SETDB2: variants seen among roughly 807,000 people sequenced by gnomAD.
SETDB2 encodes SET domain bifurcated histone lysine methyltransferase 2.
SETDB2 carries 56 observed loss-of-function variants against 82.5 expected under a neutral mutation model. That is an observed-to-expected ratio of 0.68 (90% CI 0.55 to 0.85). The LOEUF is 0.85. Among genes scored for constraint, SETDB2 ranks in the 40% least tolerant of loss-of-function variants. The pLI, the probability that SETDB2 is intolerant of heterozygous loss-of-function variation, is 0.00. For missense variants in SETDB2, 677 were observed against 816.4 expected (o/e 0.83, Z 2.08); for synonymous variants, 272 against 284.9 (o/e 0.95, Z 0.46).
At chr13:49,463,173 T>A (rs1469314408) in intron 4 of SETDB2, among the ~76,000 whole-genome samples, 2 of 13,882 alleles carry the variant, frequency 1.4e-4, no homozygotes, top group Non-Finnish European at 2.4e-4. Flanking sequence ...ACCCGGTGAT[T>A]TTTTTTTTTT....
chr13:49,453,180 A>G (rs1311121128), intron 2 of SETDB2, among the ~76,000 whole-genome samples: 1 of 152,136 alleles, frequency 6.6e-6, no homozygotes, highest in East Asian at 1.9e-4. Flanking sequence ...TTATATCAGC[A>G]TGGACTCATG....
chr13:49,453,025 C>T (rs1171581813), intron 2 of SETDB2, among the ~76,000 whole-genome samples: 4 of 152,102 alleles, frequency 2.6e-5, no homozygotes, highest in Admixed American at 6.5e-5. Flanking sequence ...AAATAAATCA[C>T]TATAGGTAGC....
rs1957790659 is a variant in SETDB2, at chr13:49,451,806, A to G, written c.-88A>G. On this transcript the variant is annotated 5_prime_UTR_variant, in exon 2 of 14. Transcript: ENST00000611815. ...GAGGACTGCAAATTTTATAGAGACCACAGTTGGATTCCAGTGATATTCTGC... is the reference window on the plus strand; with the variant it reads ...GAGGACTGCAAATTTTATAGAGACCGCAGTTGGATTCCAGTGATATTCTGC... 3.9e-6 allele frequency: 4 copies of G among 1,031,552 alleles called. No individual in the cohort carries two copies. Among genetic ancestry groups the G allele is most frequent in the East Asian group, 5.3e-5 (2 of 37,660 alleles). The allele number at this position is 1,031,552 out of a possible 1,614,324, so 63.9% of individuals were successfully genotyped here.
At chr13:49,459,763 G>A (rs1299182160) in intron 2 of SETDB2, 1 of 159,526 alleles carries the variant, frequency 6.3e-6, no homozygotes, top group Non-Finnish European at 1.4e-5. Context: ...ACACTCGGTG[G>A]AGATTATACC....
intron 5 of SETDB2, among the ~76,000 whole-genome samples, chr13:49,469,506 T>C (rs1958184572): frequency 6.6e-6 from 1 of 152,230 alleles, no homozygotes; most frequent in South Asian, 2.1e-4. Flanking sequence ...TTGGTTGGCC[T>C]TTTAAATTCA....
At chr13:49,474,595 G>A (rs1426981671) in intron 5 of SETDB2, among the ~76,000 whole-genome samples, 2 of 152,224 alleles carry the variant, frequency 1.3e-5, no homozygotes, top group Non-Finnish European at 2.9e-5. Flanking sequence ...AAAGATCACT[G>A]TATAAGTTTA....
intron 5 of SETDB2, among the ~76,000 whole-genome samples, chr13:49,472,854 A>G (rs1256926308): frequency 1.3e-5 from 2 of 152,078 alleles, no homozygotes; most frequent in African/African-American, 4.8e-5. Context: ...CTCAGTGTTA[A>G]TTGCTCAGTA....
chr13:49,454,913 A>T (rs1353947844), intron 2 of SETDB2, among the ~76,000 whole-genome samples: 1 of 152,102 alleles, frequency 6.6e-6, no homozygotes, highest in Non-Finnish European at 1.5e-5. Flanking sequence ...TAGAGTATTT[A>T]AAACCGCAAA....
At chr13:49,470,966 C>CTTTCTTTTTTTTTTT (rs10695231) in intron 5 of SETDB2, among the ~76,000 whole-genome samples, 9 of 80,486 alleles carry the variant, frequency 1.1e-4, no homozygotes, top group African/African-American at 2.4e-4. Context: ...TTCTTTCTTT[C>CTTTCTTTTTTTTTTT]TTTTTTTTTT....
At chr13:49,474,733 G>A (rs540454372) in intron 5 of SETDB2, among the ~76,000 whole-genome samples, 4 of 152,306 alleles carry the variant, frequency 2.6e-5, no homozygotes, top group Admixed American at 2.6e-4. Flanking sequence ...CTTACGCAAA[G>A]GATTACTATA....
chr13:49,488,653 C>T, intron 12 of SETDB2, 23 bp downstream of exon 12: 1 of 1,521,812 alleles, frequency 6.6e-7, no homozygotes, highest in East Asian at 2.3e-5. Context: ...GCTGAGATTC[C>T]TATTTCTGAA....
chr13:49,471,309 A>G (rs1161152272), intron 5 of SETDB2, among the ~76,000 whole-genome samples: 2 of 151,478 alleles, frequency 1.3e-5, no homozygotes, highest in East Asian at 1.9e-4. Context: ...CTGAATTTCT[A>G]CTCCACATAA....
intron 5 of SETDB2, among the ~76,000 whole-genome samples, chr13:49,474,538 G>A (rs1958317470): frequency 6.6e-6 from 1 of 152,188 alleles, no homozygotes; most frequent in South Asian, 2.1e-4. Context: ...GTTATTAATA[G>A]ATTCATAATT....
At chr13:49,464,973 G>A (rs1195402984) in intron 4 of SETDB2, among the ~76,000 whole-genome samples, 2 of 152,042 alleles carry the variant, frequency 1.3e-5, no homozygotes, top group African/African-American at 4.8e-5. Flanking sequence ...GGCTGCAGTG[G>A]GAGGATCGCT....
chr13:49,463,368 C>T (rs1016006141), intron 4 of SETDB2, among the ~76,000 whole-genome samples: 5 of 151,988 alleles, frequency 3.3e-5, no homozygotes, highest in Non-Finnish European at 5.9e-5. Flanking sequence ...GAGAGACCTT[C>T]GGGTGAATAC....
Position 49,451,735 on chromosome 13 carries a change from A to G in SETDB2, c.-159A>G, listed in dbSNP as rs538374778. On this transcript the variant is annotated 5_prime_UTR_variant, in exon 2 of 14. Transcript: ENST00000611815. ...ACAATTTCTATTTGAAAATTCAAGT[A>G]TCAAAGGATACCAGGTTTAGAATGG... 2 of 443,472 alleles carry G rather than the reference A, an allele frequency of 4.5e-6. No homozygotes were observed. Among genetic ancestry groups the G allele is most frequent in the Non-Finnish European group, 8.1e-6 (2 of 246,214 alleles). 27.5% of individuals were successfully genotyped at this position (443,472 alleles called of 1,614,324 possible). A position where few individuals can be genotyped will look rare whatever the true frequency, so the allele number is the denominator to read the frequency against.
intron 1 of SETDB2, among the ~76,000 whole-genome samples, chr13:49,448,819 T>C (rs557846999): frequency 6.6e-6 from 1 of 152,324 alleles, no homozygotes; most frequent in South Asian, 2.1e-4. Flanking sequence ...CCACTTTATC[T>C]CAGTTCCTTA....
rs190136290 is a variant in SETDB2, at chr13:49,460,320, T to C, written c.142+88T>C. On this transcript the variant is annotated intron_variant, in intron 3 of 13. Coordinates refer to ENST00000611815, the MANE Select transcript of SETDB2 (RefSeq NM_001160308.3). ...ATCATTCTATTTCCAATATTGCTGT[T>C]TGTAAAAGTAGATGGATGTAATTAC... The C allele has an allele frequency of 2.9e-5, 39 of 1,351,444 alleles. No individual in the cohort carries two copies. The African/African-American group carries it at 3.2e-4, about 11-fold the overall frequency. 83.7% of individuals were successfully genotyped at this position (1,351,444 alleles called of 1,614,324 possible). A position where few individuals can be genotyped will look rare whatever the true frequency, so the allele number is the denominator to read the frequency against.
intron 5 of SETDB2, among the ~76,000 whole-genome samples, chr13:49,471,934 A>ATTTT (rs35468680): frequency 0.02 from 2,409 of 119,198 alleles, 68 homozygotes; most frequent in South Asian, 0.082. Context: ...ATATATATAT[A>ATTTT]TTTTTTTTTT....
Sources: gnomAD v4.1 joint callset for allele counts (sites outside exome capture counted in the v4.1 genomes callset) on GRCh38, gnomAD v4.1.1 for gene constraint, MANE v1.5 for transcripts, NCBI Gene and HGNC (gene_info 2026-07-23, HGNC 2026-07-21) for gene names.